CPQ: variants seen among roughly 807,000 people sequenced by gnomAD.
The protein encoded by CPQ is carboxypeptidase Q.
Under a neutral mutation model 45.7 loss-of-function variants are expected in CPQ, and 37 were observed. The observed-to-expected ratio is 0.81, with a 90% CI of 0.62 to 1.07. The LOEUF is 1.07. Among genes scored for constraint, CPQ ranks in the 50% least tolerant of loss-of-function variants. The probability of loss-of-function intolerance (pLI) is 0.00; values close to 1 mark genes in which losing one functional copy is unlikely to be tolerated. For synonymous variants in CPQ, 186 were observed against 205.8 expected, an observed-to-expected ratio of 0.90 and a Z score of 0.82; for missense variants, 537 against 572.9, an observed-to-expected ratio of 0.94 and a Z score of 0.64.
intron 1 of CPQ, among the ~76,000 whole-genome samples, chr8:96,738,692 T>G (rs1387227127): frequency 6.6e-6 from 1 of 152,168 alleles, no homozygotes; most frequent in African/African-American, 2.4e-5. Context: ...TTCCCACCTA[T>G]GAGTGAGAAT....
chr8:96,976,553 G>A (rs1280764683), intron 5 of CPQ, among the ~76,000 whole-genome samples: 2 of 151,924 alleles, frequency 1.3e-5, no homozygotes, highest in African/African-American at 4.8e-5. Context: ...GCAAGACCAA[G>A]CAAAAAGAAC....
At chr8:96,937,888 G>A (rs981636886) in intron 4 of CPQ, among the ~76,000 whole-genome samples, 3 of 152,212 alleles carry the variant, frequency 2.0e-5, no homozygotes, top group Admixed American at 2.0e-4. Context: ...TGCTAGTCGG[G>A]CACTGTGCTA....
chr8:96,851,072 T>A (rs1406705152), intron 3 of CPQ, among the ~76,000 whole-genome samples: 1 of 152,062 alleles, frequency 6.6e-6, no homozygotes, highest in Non-Finnish European at 1.5e-5. Flanking sequence ...AGCTTTTATG[T>A]TTTGGATGCT....
At chr8:96,927,974 G>A (rs1812914766) in intron 4 of CPQ, among the ~76,000 whole-genome samples, 1 of 152,140 alleles carries the variant, frequency 6.6e-6, no homozygotes, top group Admixed American at 6.5e-5. Context: ...CATATGTGAT[G>A]CCACAATGCA....
chr8:97,026,116 C>T (rs895755334), intron 5 of CPQ, among the ~76,000 whole-genome samples: 2 of 152,170 alleles, frequency 1.3e-5, no homozygotes, highest in Non-Finnish European at 2.9e-5. Flanking sequence ...CCTAAGGAAG[C>T]GGTCTGAGGA....
intron 5 of CPQ, among the ~76,000 whole-genome samples, chr8:97,028,570 T>C (rs560096510): frequency 6.6e-6 from 1 of 152,378 alleles, no homozygotes; most frequent in African/African-American, 2.4e-5. Context: ...AGAACAGATA[T>C]TAATTCTTGG....
intron 7 of CPQ, among the ~76,000 whole-genome samples, chr8:97,124,953 TC>T (rs1244418229): frequency 6.6e-6 from 1 of 151,446 alleles, no homozygotes; most frequent in Non-Finnish European, 1.5e-5. Context: ...ATAGAGAAAA[TC>T]AATGAATTTT....
intron 2 of CPQ, among the ~76,000 whole-genome samples, chr8:96,813,503 G>T (rs1811185119): frequency 6.6e-6 from 1 of 152,142 alleles, no homozygotes. Flanking sequence ...AACATATTCT[G>T]TGAGCTGATA....
chr8:96,682,824 A>G (rs1299487808), intron 1 of CPQ, among the ~76,000 whole-genome samples: 3 of 152,076 alleles, frequency 2.0e-5, no homozygotes, highest in Admixed American at 1.3e-4. Context: ...CTTTCATTCT[A>G]TATGTGTCCT....
chr8:96,659,970 A>G (rs1251493895), intron 1 of CPQ, among the ~76,000 whole-genome samples: 1 of 152,188 alleles, frequency 6.6e-6, no homozygotes, highest in African/African-American at 2.4e-5. Context: ...CTCTCAGAAG[A>G]CCTACATTTT....
intron 4 of CPQ, among the ~76,000 whole-genome samples, chr8:96,907,008 C>T (rs890090173): frequency 2.6e-5 from 4 of 152,124 alleles, no homozygotes; most frequent in Non-Finnish European, 1.5e-5. Flanking sequence ...ATAGAGACAG[C>T]TCAGTAGATA....
At chr8:96,698,316 C>T (rs1053689889) in intron 1 of CPQ, among the ~76,000 whole-genome samples, 1 of 152,024 alleles carries the variant, frequency 6.6e-6, no homozygotes, top group African/African-American at 2.4e-5. Flanking sequence ...TGAAACTAGA[C>T]CCCCATCTTT....
chr8:96,719,278 G>A (rs976099602), intron 1 of CPQ, among the ~76,000 whole-genome samples: 1 of 152,340 alleles, frequency 6.6e-6, no homozygotes, highest in East Asian at 1.9e-4. Flanking sequence ...CAGCGCTGGT[G>A]GGCTGGCACT....
chr8:96,967,901 C>CCTAT (rs949086985), intron 5 of CPQ, among the ~76,000 whole-genome samples: 3 of 152,116 alleles, frequency 2.0e-5, no homozygotes, highest in African/African-American at 7.2e-5. Context: ...AATAATAGTT[C>CCTAT]CTATCTCATA....
intron 4 of CPQ, among the ~76,000 whole-genome samples, chr8:96,918,380 A>G (rs1812759737): frequency 6.6e-6 from 1 of 152,040 alleles, no homozygotes; most frequent in Non-Finnish European, 1.5e-5. Context: ...TTTTTATTAA[A>G]TCAACATTTA....
chr8:96,935,809 A>C (rs1290673080), intron 4 of CPQ, among the ~76,000 whole-genome samples: 1 of 152,140 alleles, frequency 6.6e-6, no homozygotes, highest in Non-Finnish European at 1.5e-5. Flanking sequence ...TACTTTACTT[A>C]TAAATTCTGT....
intron 1 of CPQ, among the ~76,000 whole-genome samples, chr8:96,694,860 A>G (rs1462691472): frequency 6.6e-6 from 1 of 152,204 alleles, no homozygotes; most frequent in Non-Finnish European, 1.5e-5. Context: ...TTAAAGAACT[A>G]GAAAAGCAGT....
intron 4 of CPQ, among the ~76,000 whole-genome samples, chr8:96,924,659 T>C (rs536449595): frequency 3.9e-5 from 6 of 152,316 alleles, no homozygotes; most frequent in Non-Finnish European, 8.8e-5. Flanking sequence ...CCTGGAAAGT[T>C]GGGAGAGAAA....
chr8:97,090,897 T>C (rs1811114518), intron 7 of CPQ, among the ~76,000 whole-genome samples: 1 of 152,184 alleles, frequency 6.6e-6, no homozygotes, highest in Non-Finnish European at 1.5e-5. Context: ...ATGATGCAAC[T>C]TCACATCATA....
Sources: gnomAD v4.1 joint callset for allele counts (sites outside exome capture counted in the v4.1 genomes callset) on GRCh38, gnomAD v4.1.1 for gene constraint, MANE v1.5 for transcripts, NCBI Gene and HGNC (gene_info 2026-07-23, HGNC 2026-07-21) for gene names.